BBS4: variants seen among roughly 807,000 people sequenced by gnomAD.
BBS4 encodes the protein Bardet-Biedl syndrome 4.
A neutral mutation model predicts 71.4 loss-of-function variants in BBS4; 58 were observed. The ratio of observed to expected loss-of-function variants is 0.81; its 90% CI spans 0.66 to 1.01. The LOEUF (loss-of-function observed/expected upper bound fraction) is 1.01. BBS4 is among the 50% of genes least tolerant of loss of function. BBS4 has a pLI of 0.00. For missense variants in BBS4, 660 were observed against 607.9 expected (o/e 1.09, Z -0.90); for synonymous variants, 228 against 216.8 (o/e 1.05, Z -0.46).
intron 4 of BBS4, among the ~76,000 whole-genome samples, chr15:72,713,991 G>C (rs2065423102): frequency 6.6e-6 from 1 of 152,048 alleles, no homozygotes; most frequent in African/African-American, 2.4e-5. Context: ...TTAGTTTCTG[G>C]CTAGTGTTTT....
chr15:72,735,634 C>A, intron 13 of BBS4, 191 bp from the exon 14 acceptor site: 2 of 742,324 alleles, frequency 2.7e-6, no homozygotes, highest in Non-Finnish European at 4.6e-6. Flanking sequence ...CCAATACCAG[C>A]TTTGCTTGTT....
chr15:72,688,038 C>T (rs1361745000), intron 1 of BBS4, among the ~76,000 whole-genome samples: 5 of 140,816 alleles, frequency 3.6e-5, no homozygotes, highest in Non-Finnish European at 6.1e-5. Flanking sequence ...CAGAGCAAGA[C>T]TCCGTCTCAA....
chr15:72,698,411 C>T (rs1041042950), intron 2 of BBS4, among the ~76,000 whole-genome samples: 1 of 152,120 alleles, frequency 6.6e-6, no homozygotes, highest in African/African-American at 2.4e-5. Flanking sequence ...CTCCCCAGAT[C>T]CTGGTAATCT....
At chr15:72,728,785 G>C (rs905416119) in intron 9 of BBS4, among the ~76,000 whole-genome samples, 7 of 152,310 alleles carry the variant, frequency 4.6e-5, no homozygotes, top group Middle Eastern at 3.4e-3. Flanking sequence ...TGAGGACCCA[G>C]GGCCCAGGTA....
intron 9 of BBS4, among the ~76,000 whole-genome samples, chr15:72,729,272 C>T (rs1396831927): frequency 1.9e-5 from 2 of 104,786 alleles, no homozygotes; most frequent in Non-Finnish European, 3.6e-5. Context: ...TTTTTGGAGA[C>T]GGAGTTTCAC....
intron 1 of BBS4, among the ~76,000 whole-genome samples, chr15:72,690,670 G>C (rs2064968601): frequency 6.6e-6 from 1 of 152,206 alleles, no homozygotes; most frequent in Non-Finnish European, 1.5e-5. Context: ...TAGTTGCACA[G>C]CTGTCATCAG....
chr15:72,708,783 T>C (rs1173624181), intron 2 of BBS4, among the ~76,000 whole-genome samples: 1 of 152,174 alleles, frequency 6.6e-6, no homozygotes, highest in East Asian at 1.9e-4. Flanking sequence ...GGCATGTCTG[T>C]CTTATGCTGT....
intron 2 of BBS4, among the ~76,000 whole-genome samples, chr15:72,701,607 A>G (rs1171287321): frequency 6.6e-6 from 1 of 152,170 alleles, no homozygotes; most frequent in Non-Finnish European, 1.5e-5. Context: ...TCATATGCTT[A>G]TATGTGCATA....
chr15:72,689,780 T>A (rs530835389), intron 1 of BBS4, among the ~76,000 whole-genome samples: 1 of 147,654 alleles, frequency 6.8e-6, no homozygotes, highest in South Asian at 2.1e-4. Context: ...TTATAAATCT[T>A]TTTATTTATT....
At chr15:72,693,143 G>T (rs2065016769) in intron 1 of BBS4, among the ~76,000 whole-genome samples, 2 of 152,126 alleles carry the variant, frequency 1.3e-5, no homozygotes, top group Non-Finnish European at 2.9e-5. Flanking sequence ...ATTGCCATCT[G>T]CAAATGTATG....
chr15:72,689,429 A>G (rs1248883188), intron 1 of BBS4, among the ~76,000 whole-genome samples: 2 of 152,202 alleles, frequency 1.3e-5, no homozygotes, highest in Non-Finnish European at 2.9e-5. Flanking sequence ...ATAGTTTAGA[A>G]TTCTTAAAAA....
intron 4 of BBS4, among the ~76,000 whole-genome samples, chr15:72,713,347 ACACG>A (rs1555499612): frequency 2.4e-3 from 283 of 118,736 alleles, no homozygotes; most frequent in African/African-American, 7.2e-3. Flanking sequence ...ACACACACAC[ACACG>A]CACACGCACG....
chr15:72,692,855 C>T (rs189348224), intron 1 of BBS4, among the ~76,000 whole-genome samples: 4 of 146,826 alleles, frequency 2.7e-5, no homozygotes. Flanking sequence ...GCCTCAGCCT[C>T]CCAAAGTGCT....
At chr15:72,699,810 G>C (rs1874479780) in intron 2 of BBS4, among the ~76,000 whole-genome samples, 1 of 152,196 alleles carries the variant, frequency 6.6e-6, no homozygotes, top group Non-Finnish European at 1.5e-5. Flanking sequence ...GTTGTTATAT[G>C]TATCAGTAGT....
chr15:72,688,613 C>G (rs2064923086), intron 1 of BBS4, among the ~76,000 whole-genome samples: 1 of 151,938 alleles, frequency 6.6e-6, no homozygotes, highest in Non-Finnish European at 1.5e-5. Flanking sequence ...CCACGTTGGC[C>G]AGGCTGGTCT....
Position 72,737,706 on chromosome 15 carries a change from T to C in BBS4, c.*119T>C. On this transcript the variant is annotated 3_prime_UTR_variant, in exon 16 of 16. Transcript: ENST00000268057. ...CCACCACAGAATACAGTGTGTGTTATTACGAGGAGCCAGCAGTTGAGCCTA... is the reference window on the plus strand; with the variant it reads ...CCACCACAGAATACAGTGTGTGTTACTACGAGGAGCCAGCAGTTGAGCCTA... 1 of 849,588 alleles carries C rather than the reference T, an allele frequency of 1.2e-6. No homozygotes were observed. Among genetic ancestry groups the C allele is most frequent in the Non-Finnish European group, 1.9e-6 (1 of 525,436 alleles). 52.6% of individuals were successfully genotyped at this position (849,588 alleles called of 1,614,324 possible).
chr15:72,735,229 A>G (rs2065898689), intron 13 of BBS4, 47 bp downstream of exon 13: 3 of 1,461,868 alleles, frequency 2.1e-6, no homozygotes, highest in South Asian at 1.1e-5. Flanking sequence ...GGACTCTCCA[A>G]AGCCATGAGG....
chr15:72,696,024 C>A (rs1054122638), intron 2 of BBS4, among the ~76,000 whole-genome samples: 1 of 152,144 alleles, frequency 6.6e-6, no homozygotes. Context: ...TATATACTTA[C>A]AATTACAGAT....
intron 6 of BBS4, among the ~76,000 whole-genome samples, chr15:72,720,053 TA>T (rs1313142186): frequency 6.6e-6 from 1 of 151,858 alleles, no homozygotes; most frequent in Non-Finnish European, 1.5e-5. Flanking sequence ...TTTTTTTTTT[TA>T]ACTTTAAAAT....
Sources: allele counts gnomAD v4.1 joint callset (sites outside exome capture counted in the v4.1 genomes callset), GRCh38; gene constraint gnomAD v4.1.1; transcripts MANE v1.5; gene names NCBI Gene and HGNC (gene_info 2026-07-23, HGNC 2026-07-21).